LRRIQ3: variants seen among roughly 807,000 people sequenced by gnomAD.
LRRIQ3 encodes leucine rich repeats and IQ motif containing 3, also known as leucine-rich repeat and IQ domain-containing protein 3.
In LRRIQ3, 75 loss-of-function variants were observed where a neutral mutation model predicts 59.3. The ratio of observed to expected loss-of-function variants is 1.26; its 90% CI spans 1.05 to 1.53. The LOEUF (loss-of-function observed/expected upper bound fraction) is 1.53, where lower values mean the gene tolerates loss of function less well. Ranked by LOEUF, LRRIQ3 falls within the 40% of genes most tolerant of loss-of-function variation. LRRIQ3 has a pLI of 0.00. For synonymous variants in LRRIQ3, 250 were observed against 231.3 expected, an observed-to-expected ratio of 1.08 and a Z score of -0.73; for missense variants, 831 against 710.0, an observed-to-expected ratio of 1.17 and a Z score of -1.94.
chr1:74,099,091 C>A, intron 5 of LRRIQ3, among the ~76,000 whole-genome samples: 1 of 151,814 alleles, frequency 6.6e-6, no homozygotes, highest in Non-Finnish European at 1.5e-5. Context: ...ACAAAAAAAA[C>A]CTTCAAAAAA....
In LRRIQ3 at chr1:74,041,915, T is replaced by G. The variant is rs746089185; in HGVS notation, c.1016A>C (p.Glu339Ala). Residue 339 changes from glutamate to alanine, a missense_variant, in exon 7 of 8, where the codon GAA (glutamate) becomes GCA (alanine). Glu to Ala is a moderately radical substitution (Grantham distance 107). Coordinates refer to ENST00000354431, the MANE Select transcript of LRRIQ3 (RefSeq NM_001105659.2). Reference protein sequence around the residue: ...LIQKGQESEDEIVDEKLDTSF... With the variant: ...LIQKGQESEDAIVDEKLDTSF... ...GGTATCCAATTTTTCATCCACAATTTCATCTTCAGACTCCTGACCTACATC... is the reference window on the plus strand; with the variant it reads ...GGTATCCAATTTTTCATCCACAATTGCATCTTCAGACTCCTGACCTACATC... 288 of 1,604,322 alleles carry G rather than the reference T, an allele frequency of 1.8e-4. No homozygotes were observed. Among genetic ancestry groups the G allele is most frequent in the Non-Finnish European group, 2.4e-4 (281 of 1,175,248 alleles).
intron 6 of LRRIQ3, among the ~76,000 whole-genome samples, chr1:74,053,011 T>C (rs1056160865): frequency 6.6e-6 from 1 of 152,090 alleles, no homozygotes; most frequent in Non-Finnish European, 1.5e-5. Flanking sequence ...AGTTTGGTAT[T>C]GGCAAGAGTA....
intron 4 of LRRIQ3, among the ~76,000 whole-genome samples, chr1:74,123,928 C>A (rs1646898249): frequency 6.6e-6 from 1 of 151,730 alleles, no homozygotes; most frequent in South Asian, 2.1e-4. Context: ...ACCAACAATG[C>A]CAATGTCAAA....
intron 3 of LRRIQ3, among the ~76,000 whole-genome samples, chr1:74,169,936 A>G (rs1434839985): frequency 6.6e-6 from 1 of 152,142 alleles, no homozygotes; most frequent in Non-Finnish European, 1.5e-5. Context: ...CTTTTCATAT[A>G]TCTTTTTTAT....
At chr1:74,062,914 G>T (rs1196258259) in intron 6 of LRRIQ3, among the ~76,000 whole-genome samples, 1 of 151,900 alleles carries the variant, frequency 6.6e-6, no homozygotes, top group East Asian at 1.9e-4. Context: ...GAAATAATCT[G>T]TACACCAAAC....
intron 3 of LRRIQ3, among the ~76,000 whole-genome samples, chr1:74,169,055 T>C (rs1649164755): frequency 6.6e-6 from 1 of 152,152 alleles, no homozygotes; most frequent in Admixed American, 6.6e-5. Context: ...TGGGTATTTG[T>C]AAACCTTGAA....
rs1237210858 is a variant in LRRIQ3 at position 74,097,693 on chromosome 1, A to T, written c.867+11701T>A. On this transcript the variant is annotated intron_variant, in intron 5 of 7. Transcript: ENST00000354431. ...ACCCACAAAGGGAAGCCCATCAGACAAACAGTGGATCTCTCAGAAGAAACT... is the reference window on the plus strand; with the variant it reads ...ACCCACAAAGGGAAGCCCATCAGACTAACAGTGGATCTCTCAGAAGAAACT... 4.7e-4 allele frequency among the ~76,000 whole-genome samples: 72 copies of T among 152,196 alleles called. 1 individual carries two copies. Among genetic ancestry groups the T allele is most frequent in the Non-Finnish European group, 1.0e-4 (7 of 68,028 alleles).
chr1:74,076,863 A>G (rs1646215597), intron 5 of LRRIQ3, among the ~76,000 whole-genome samples: 1 of 152,048 alleles, frequency 6.6e-6, no homozygotes, highest in African/African-American at 2.4e-5. Flanking sequence ...CTCTTACACA[A>G]GACAATTTCT....
At chr1:74,109,201 A>G (rs1162583619) in intron 5 of LRRIQ3, 193 bp downstream of exon 5, 9 of 511,198 alleles carry the variant, frequency 1.8e-5, no homozygotes, top group Non-Finnish European at 3.2e-5. Context: ...ATACTATACT[A>G]TAGATGCACC....
At chr1:74,139,459 T>G (rs1015356683) in intron 4 of LRRIQ3, among the ~76,000 whole-genome samples, 5 of 151,896 alleles carry the variant, frequency 3.3e-5, no homozygotes, top group African/African-American at 1.2e-4. Flanking sequence ...CCAAATTCTC[T>G]AATCCTCTGT....
chr1:74,071,426 A>C (rs181609165), intron 6 of LRRIQ3, among the ~76,000 whole-genome samples: 44 of 152,248 alleles, frequency 2.9e-4, no homozygotes, highest in Non-Finnish European at 5.6e-4. Flanking sequence ...TAAAATGAAA[A>C]TATTTTGTAA....
At chr1:74,110,619 G>A (rs924022986) in intron 4 of LRRIQ3, among the ~76,000 whole-genome samples, 3 of 151,906 alleles carry the variant, frequency 2.0e-5, no homozygotes, top group Non-Finnish European at 2.9e-5. Flanking sequence ...GATAAATGAG[G>A]TAGATGGTTA....
intron 7 of LRRIQ3, among the ~76,000 whole-genome samples, chr1:74,039,811 G>A (rs970712484): frequency 5.3e-5 from 8 of 152,016 alleles, no homozygotes; most frequent in African/African-American, 7.2e-5. Flanking sequence ...AGGAAAAACC[G>A]GTACCAGCCA....
intron 5 of LRRIQ3, among the ~76,000 whole-genome samples, chr1:74,091,973 T>C (rs1646399442): frequency 6.7e-6 from 1 of 149,008 alleles, no homozygotes; most frequent in Non-Finnish European, 1.5e-5. Flanking sequence ...AATGCCTACA[T>C]ATTTCAGCCT....
At chr1:74,187,050 G>A (rs1650438397) in intron 1 of LRRIQ3, among the ~76,000 whole-genome samples, 1 of 152,064 alleles carries the variant, frequency 6.6e-6, no homozygotes, top group Admixed American at 6.6e-5. Context: ...TGCTGTCGTG[G>A]ATGTGGTGAA....
intron 4 of LRRIQ3, among the ~76,000 whole-genome samples, chr1:74,153,567 A>G (rs1648116385): frequency 6.6e-6 from 1 of 152,204 alleles, no homozygotes; most frequent in South Asian, 2.1e-4. Flanking sequence ...TAATCAATTC[A>G]GAAAGTATTT....
At chr1:74,054,064 G>A (rs896576514) in intron 6 of LRRIQ3, among the ~76,000 whole-genome samples, 1 of 152,066 alleles carries the variant, frequency 6.6e-6, no homozygotes, top group Non-Finnish European at 1.5e-5. Flanking sequence ...ACAAAAACCT[G>A]CACATGGATA....
intron 6 of LRRIQ3, among the ~76,000 whole-genome samples, chr1:74,061,990 T>C (rs1037931944): frequency 3.9e-5 from 6 of 152,096 alleles, no homozygotes; most frequent in African/African-American, 1.4e-4. Flanking sequence ...GCTGAGATCA[T>C]ACCACTGCAC....
chr1:74,037,629 T>TCAAAA (rs1332825677), intron 7 of LRRIQ3, among the ~76,000 whole-genome samples: 2 of 151,810 alleles, frequency 1.3e-5, no homozygotes, highest in African/African-American at 4.8e-5. Context: ...AAACTGTGTC[T>TCAAAA]CAAAACAAAA....
Sources: gnomAD v4.1 joint callset for allele counts (sites outside exome capture counted in the v4.1 genomes callset) on GRCh38, gnomAD v4.1.1 for gene constraint, MANE v1.5 for transcripts, NCBI Gene and HGNC (gene_info 2026-07-23, HGNC 2026-07-21) for gene names.